Variants in ANKRD30BL observed in about 807,000 individuals in gnomAD.
ANKRD30BL encodes the protein putative ankyrin repeat domain-containing protein 30B-like.
ANKRD30BL carries 20 observed loss-of-function variants against 18.4 expected under a neutral mutation model. The ratio of observed to expected loss-of-function variants is 1.09; its 90% CI spans 0.77 to 1.58. The LOEUF is 1.58. Among genes scored for constraint, ANKRD30BL ranks in the 40% most tolerant of loss-of-function variants. The probability of loss-of-function intolerance (pLI) is 0.00; values close to 1 mark genes in which losing one functional copy is unlikely to be tolerated. For missense variants in ANKRD30BL, 224 were observed against 268.6 expected, an observed-to-expected ratio of 0.83 and a Z score of 1.16; for synonymous variants, 72 against 100.9, an observed-to-expected ratio of 0.71 and a Z score of 1.72.
At chr2:132,163,770 A>C (rs1688134755), upstream of ANKRD30BL, among the ~76,000 whole-genome samples, 1 of 152,206 alleles carries the variant, frequency 6.6e-6, no homozygotes, top group South Asian at 2.1e-4. Flanking sequence ...CGGAGGCTAC[A>C]CAATGCCCAG....
intron 1 of ANKRD30BL, among the ~76,000 whole-genome samples, chr2:132,193,696 T>TTATACATATTC (rs1376953198): frequency 1.0e-3 from 153 of 152,214 alleles, no homozygotes; most frequent in African/African-American, 3.5e-3. Flanking sequence ...GCACCATCTT[T>TTATACATATTC]TATACATATT....
intron 1 of ANKRD30BL, among the ~76,000 whole-genome samples, chr2:132,223,689 CTTGAAGCTTTCTT>C (rs1192831925): frequency 6.9e-6 from 1 of 144,026 alleles, no homozygotes; most frequent in Non-Finnish European, 1.5e-5. Context: ...AACTCACAGA[CTTGAAGCTTTCTT>C]TTGATAGAGC....
At chr2:132,153,725 A>G (rs1687828640) in intron 4 of ANKRD30BL, 1 of 1,095,968 alleles carries the variant, frequency 9.1e-7, no homozygotes, top group South Asian at 1.2e-5. Flanking sequence ...CTTCATTATT[A>G]GGAACGAACG....
chr2:132,177,549 T>C (rs1428137702), intron 1 of ANKRD30BL, among the ~76,000 whole-genome samples: 1 of 152,188 alleles, frequency 6.6e-6, no homozygotes, highest in Non-Finnish European at 1.5e-5. Flanking sequence ...AGACAGATAA[T>C]TCAGAGCAAG....
chr2:132,184,670 A>T (rs2104950461), intron 1 of ANKRD30BL, among the ~76,000 whole-genome samples: 1 of 152,302 alleles, frequency 6.6e-6, no homozygotes, highest in Non-Finnish European at 1.5e-5. Flanking sequence ...GCATATTCAT[A>T]TGAAGAATGA....
chr2:132,180,429 A>G (rs569518781), intron 1 of ANKRD30BL, among the ~76,000 whole-genome samples: 1 of 152,232 alleles, frequency 6.6e-6, no homozygotes, highest in Non-Finnish European at 1.5e-5. Flanking sequence ...TTGCACAATA[A>G]CAAAACTGCT....
intron 1 of ANKRD30BL, among the ~76,000 whole-genome samples, chr2:132,194,457 A>G (rs1270184261): frequency 2.0e-5 from 3 of 152,230 alleles, no homozygotes; most frequent in Non-Finnish European, 2.9e-5. Context: ...TGTTTCCAAC[A>G]GTCATAGAGC....
intron 1 of ANKRD30BL, among the ~76,000 whole-genome samples, chr2:132,204,433 TTATAC>T (rs1367076366): frequency 5.3e-5 from 8 of 151,300 alleles, no homozygotes; most frequent in African/African-American, 1.9e-4. Context: ...ATGTCTATAC[TTATAC>T]TATATACATA....
chr2:132,176,506 G>A (rs1335669141), intron 1 of ANKRD30BL, among the ~76,000 whole-genome samples: 1 of 152,216 alleles, frequency 6.6e-6, no homozygotes, highest in African/African-American at 2.4e-5. Flanking sequence ...AACTACTCAG[G>A]AGGCTGAGGC....
Position 132,210,180 on chromosome 2 carries a change from A to G in ANKRD30BL, n.441+47349T>C, listed in dbSNP as rs146839812. 3.1e-4 allele frequency among the ~76,000 whole-genome samples: 41 copies of G among 130,686 alleles called. 1 individual carries two copies. The South Asian group carries it at 7.7e-3, about 25-fold the overall frequency. 85.7% of individuals were successfully genotyped at this position (130,686 alleles called of 152,430 possible). A position where few individuals can be genotyped will look rare whatever the true frequency, so the allele number is the denominator to read the frequency against. ...ATATTTGGAGCGCTTTGCGGCCTAT[A>G]GTGGAAACGGAAATATCTTCACATA... On this transcript the variant is annotated intron_variant and non_coding_transcript_variant, in intron 1 of 4. Transcript: ENST00000470729.
At chr2:132,175,622 A>G (rs1688354754) in intron 1 of ANKRD30BL, among the ~76,000 whole-genome samples, 1 of 152,220 alleles carries the variant, frequency 6.6e-6, no homozygotes, top group Admixed American at 6.5e-5. Flanking sequence ...GGGGATGGTC[A>G]GGTCTTTCTC....
intron 1 of ANKRD30BL, among the ~76,000 whole-genome samples, chr2:132,215,361 A>T (rs1489061276): frequency 1.3e-5 from 2 of 152,208 alleles, no homozygotes; most frequent in African/African-American, 4.8e-5. Context: ...TCTTCACAAA[A>T]AAAACTAGGT....
chr2:132,195,237 C>G (rs894644623), intron 1 of ANKRD30BL, among the ~76,000 whole-genome samples: 2 of 152,136 alleles, frequency 1.3e-5, no homozygotes, highest in Non-Finnish European at 2.9e-5. Flanking sequence ...ATGGAATATA[C>G]AGAAGTGTGA....
chr2:132,244,708 G>A (rs527502940), intron 1 of ANKRD30BL, among the ~76,000 whole-genome samples: 2 of 152,382 alleles, frequency 1.3e-5, no homozygotes, highest in African/African-American at 2.4e-5. Flanking sequence ...TGTAGGATCC[G>A]CAAGTGGATA....
chr2:132,175,372 A>G (rs1438570259), intron 1 of ANKRD30BL, among the ~76,000 whole-genome samples: 1 of 152,220 alleles, frequency 6.6e-6, no homozygotes, highest in African/African-American at 2.4e-5. Flanking sequence ...CTCTCTGCCC[A>G]AACATCTCAG....
At chr2:132,171,680 A>C (rs1269191612) in intron 1 of ANKRD30BL, among the ~76,000 whole-genome samples, 2 of 152,198 alleles carry the variant, frequency 1.3e-5, no homozygotes, top group African/African-American at 4.8e-5. Context: ...TGCAATTGGG[A>C]ATACGTATTT....
At chr2:132,213,454 A>G (rs900356522) in intron 1 of ANKRD30BL, among the ~76,000 whole-genome samples, 10 of 152,022 alleles carry the variant, frequency 6.6e-5, no homozygotes, top group African/African-American at 2.4e-4. Context: ...GCTTTGAGGC[A>G]TATGGTGGAG....
At chr2:132,246,582 A>G (rs1335426571) in intron 1 of ANKRD30BL, among the ~76,000 whole-genome samples, 2 of 151,978 alleles carry the variant, frequency 1.3e-5, no homozygotes, top group African/African-American at 4.8e-5. Context: ...TTTTTGTAGA[A>G]TTTGCAAGTG....
intron 1 of ANKRD30BL, among the ~76,000 whole-genome samples, chr2:132,230,155 G>C (rs1370860454): frequency 6.6e-6 from 1 of 152,088 alleles, no homozygotes; most frequent in Non-Finnish European, 1.5e-5. Flanking sequence ...ATAGACAGAA[G>C]CATTCTCAGA....
Sources: gnomAD v4.1 joint callset for allele counts (sites outside exome capture counted in the v4.1 genomes callset) on GRCh38, gnomAD v4.1.1 for gene constraint, MANE v1.5 for transcripts, NCBI Gene and HGNC (gene_info 2026-07-23, HGNC 2026-07-21) for gene names.